Variants in NACC2 observed in about 807,000 individuals in gnomAD.
NACC2 encodes nucleus accumbens-associated protein 2.
A neutral mutation model predicts 25.1 loss-of-function variants in NACC2; 8 were observed. That is an observed-to-expected ratio of 0.32 (90% CI 0.19 to 0.57). The LOEUF (loss-of-function observed/expected upper bound fraction) is 0.57. Ranked by LOEUF, NACC2 falls within the 20% of genes least tolerant of loss-of-function variation. The probability of loss-of-function intolerance (pLI) is 0.89; values close to 1 mark genes in which losing one functional copy is unlikely to be tolerated. For missense variants in NACC2, 644 were observed against 650.2 expected, an observed-to-expected ratio of 0.99 and a Z score of 0.10; for synonymous variants, 435 against 294.7, an observed-to-expected ratio of 1.48 and a Z score of -4.88.
chr9:136,091,075 T>G (rs924967714), intron 1 of NACC2, among the ~76,000 whole-genome samples: 2 of 152,128 alleles, frequency 1.3e-5, no homozygotes, highest in African/African-American at 2.4e-5. Context: ...AGCCAGCCTC[T>G]CCTCCCTGTG....
intron 2 of NACC2, among the ~76,000 whole-genome samples, chr9:136,034,756 A>G (rs1840527313): frequency 6.6e-6 from 1 of 152,192 alleles, no homozygotes; most frequent in Non-Finnish European, 1.5e-5. Flanking sequence ...TCTTTCCTGT[A>G]AGACTGCTAA....
chr9:136,024,503 A>ATGTGTGTGTGTGTGTG (rs139555936), intron 2 of NACC2, among the ~76,000 whole-genome samples: 8 of 124,664 alleles, frequency 6.4e-5, no homozygotes, highest in African/African-American at 2.2e-4. Context: ...TGAGGACAGA[A>ATGTGTGTGTGTGTGTG]TGTGTGTGTG....
At chr9:136,047,224 G>A (rs1470242915) in intron 2 of NACC2, among the ~76,000 whole-genome samples, 2 of 152,168 alleles carry the variant, frequency 1.3e-5, no homozygotes, top group Non-Finnish European at 2.9e-5. Context: ...GACACGGAGG[G>A]CACGGGGAGC....
chr9:136,011,609 C>A lies in NACC2; in HGVS notation c.1671G>T (p.Gln557His). Reference sequence around the variant, plus strand: ...GGCCGCCCCCGCCCTGCTCAAAGGGCTGTGGGGGGCTCTGGCCATCGGCGG... The same window carrying A: ...GGCCGCCCCCGCCCTGCTCAAAGGGATGTGGGGGGCTCTGGCCATCGGCGG... ...PLPADGQSPP[Q>H]PFEQGGGGPS... Residue 557 changes from glutamine to histidine, a missense_variant, in exon 6 of 6, where the codon CAG becomes CAT. By Grantham distance (24) the Gln-to-His change is conservative. Coordinates refer to ENST00000277554, the MANE Select transcript of NACC2 (RefSeq NM_144653.5). 7.0e-7 allele frequency: 1 copy of A among 1,431,690 alleles called. No homozygotes were observed. The highest frequency in any genetic ancestry group is 9.1e-7 in the Non-Finnish European group (1 of 1,100,306). The allele number at this position is 1,431,690 out of a possible 1,614,324, so 88.7% of individuals were successfully genotyped here.
intron 2 of NACC2, among the ~76,000 whole-genome samples, chr9:136,035,110 C>A (rs1840532305): frequency 1.3e-5 from 2 of 151,968 alleles, no homozygotes; most frequent in Admixed American, 1.3e-4. Flanking sequence ...AAAACAAAAA[C>A]CAATCCTATT....
chr9:136,074,086 A>C (rs1784550161), intron 1 of NACC2, among the ~76,000 whole-genome samples: 1 of 152,040 alleles, frequency 6.6e-6, no homozygotes, highest in Non-Finnish European at 1.5e-5. Context: ...CAGAAGGATC[A>C]CTTGAGTCCA....
In NACC2 at chr9:136,050,454, T is replaced by C; in HGVS notation, c.68A>G (p.Gln23Arg). ...ATCGCAGTAGAGGCCCAGCAGGCGCTGCTCGTTCAGGCAGCCCAGCACTGT... is the reference window on the plus strand; with the variant it reads ...ATCGCAGTAGAGGCCCAGCAGGCGCCGCTCGTTCAGGCAGCCCAGCACTGT... ...GNTVLGCLNE[Q>R]RLLGLYCDVS... Residue 23 changes from glutamine to arginine, a missense_variant, in exon 2 of 6, where the codon CAG (glutamine) becomes CGG (arginine). Gln to Arg is a conservative substitution (Grantham distance 43). Transcript: ENST00000277554. 1.3e-6 allele frequency: 1 copy of C among 766,570 alleles called. No homozygotes were observed. Among genetic ancestry groups the C allele is most frequent in the Non-Finnish European group, 2.4e-6 (1 of 417,376 alleles). The allele number at this position is 766,570 out of a possible 1,614,324, so 47.5% of individuals were successfully genotyped here.
intron 2 of NACC2, among the ~76,000 whole-genome samples, chr9:136,021,019 A>G (rs1162943812): frequency 6.6e-6 from 1 of 152,196 alleles, no homozygotes. Context: ...ACGATCCACA[A>G]TGGAAATGAT....
At chr9:136,017,555 C>T (rs1488931299) in intron 2 of NACC2, among the ~76,000 whole-genome samples, 1 of 151,996 alleles carries the variant, frequency 6.6e-6, no homozygotes, top group Non-Finnish European at 1.5e-5. Context: ...CTCATAGGGC[C>T]CACCCTCACA....
At chr9:136,047,639 G>A (rs952557604) in intron 2 of NACC2, among the ~76,000 whole-genome samples, 6 of 152,198 alleles carry the variant, frequency 3.9e-5, no homozygotes, top group East Asian at 3.9e-4. Flanking sequence ...ACTGTACCTC[G>A]TGTGGTCTGA....
At chr9:136,081,805 C>T (rs1293113750) in intron 1 of NACC2, among the ~76,000 whole-genome samples, 1 of 152,128 alleles carries the variant, frequency 6.6e-6, no homozygotes, top group African/African-American at 2.4e-5. Flanking sequence ...GGCACCTGGC[C>T]CAGGTAACCA....
chr9:136,066,392 C>G, intron 1 of NACC2, among the ~76,000 whole-genome samples: 1 of 152,142 alleles, frequency 6.6e-6, no homozygotes, highest in East Asian at 1.9e-4. Flanking sequence ...CCAATATACA[C>G]ACGCAAAAAT....
rs146979790 is a variant in NACC2 at position 136,083,297 on chromosome 9, G to A, written c.-60+11892C>T. ...TTCACCCCAACCTGAGCCTAGGCAC[G>A]CGGAGGTCATCTCCTTGCTCAGGGA... On this transcript the variant is annotated intron_variant, in intron 1 of 5. Coordinates refer to ENST00000277554, the MANE Select transcript of NACC2 (RefSeq NM_144653.5). Among the ~76,000 whole-genome samples, 323 of 152,290 alleles carry A rather than the reference G, an allele frequency of 2.1e-3. 2 individuals carry two copies. Among genetic ancestry groups the A allele is most frequent in the African/African-American group, 7.5e-3 (310 of 41,552 alleles).
At chr9:136,017,455 A>G (rs1181853588) in intron 2 of NACC2, among the ~76,000 whole-genome samples, 2 of 152,022 alleles carry the variant, frequency 1.3e-5, no homozygotes, top group East Asian at 3.9e-4. Context: ...CCAAGGAAAC[A>G]CAGCCCTGGC....
intron 2 of NACC2, among the ~76,000 whole-genome samples, chr9:136,043,352 G>A (rs900331566): frequency 7.0e-4 from 107 of 152,324 alleles, no homozygotes; most frequent in South Asian, 1.4e-3. Flanking sequence ...CCTGTGAAAC[G>A]TGCTCAGCGT....
At chr9:136,087,958 C>T (rs894437798) in intron 1 of NACC2, among the ~76,000 whole-genome samples, 8 of 138,960 alleles carry the variant, frequency 5.8e-5, no homozygotes, top group African/African-American at 1.0e-4. Context: ...TGGGAAGTTC[C>T]GGGAGGTGAC....
At position 136,011,889 on chromosome 9, in the gene NACC2, T is replaced by C; in HGVS notation, c.1391A>G (p.Glu464Gly). ...KIKSMLPEGV[E>G]MYRTVMGSAA... ...GGAGCCCATGACCGTGCGGTACATC[T>C]CCACGCCCTCCGGCAGCATGGACTT... Residue 464 changes from glutamate (E) to glycine (G), a missense_variant, in exon 6 of 6, where the codon GAG (glutamate) becomes GGG (glycine). Physicochemically the swap from Glu to Gly is moderately conservative, Grantham distance 98 (BLOSUM62 -2). Coordinates refer to ENST00000277554, the MANE Select transcript of NACC2 (RefSeq NM_144653.5). The C allele has an allele frequency of 6.3e-7, 1 of 1,575,592 alleles. No homozygotes were observed. The highest frequency in any genetic ancestry group is 8.6e-7 in the Non-Finnish European group (1 of 1,164,278).
At chr9:136,093,094 C>A (rs374306772) in intron 1 of NACC2, among the ~76,000 whole-genome samples, 61 of 152,264 alleles carry the variant, frequency 4.0e-4, no homozygotes, top group African/African-American at 1.4e-3. Flanking sequence ...GAGGAAGGGG[C>A]ACAAGGTGGA....
At chr9:136,087,706 C>T (rs942267923) in intron 1 of NACC2, among the ~76,000 whole-genome samples, 3 of 152,214 alleles carry the variant, frequency 2.0e-5, no homozygotes, top group African/African-American at 7.2e-5. Context: ...CAGCTTCCAC[C>T]GCAGCACGGG....
Sources: allele counts gnomAD v4.1 joint callset (sites outside exome capture counted in the v4.1 genomes callset), GRCh38; gene constraint gnomAD v4.1.1; transcripts MANE v1.5; gene names NCBI Gene and HGNC (gene_info 2026-07-23, HGNC 2026-07-21).